The following TAF1 variants were observed in gnomAD, a reference collection of about 807,000 sequenced individuals.
The protein encoded by TAF1 is transcription initiation factor TFIID subunit 1.
Under a neutral mutation model 138.5 loss-of-function variants are expected in TAF1, and 2 were observed. The observed-to-expected ratio is 0.01, with a 90% CI of 0.01 to 0.05. The LOEUF is 0.05. TAF1 is among the 10% of genes least tolerant of loss of function. The pLI, the probability that TAF1 is intolerant of heterozygous loss-of-function variation, is 1.00. For synonymous variants in TAF1, 437 were observed against 503.2 expected (o/e 0.87, Z 1.76); for missense variants, 709 against 1,478.0 (o/e 0.48, Z 8.53).
chrX:71,505,768 C>G (rs2039609647), intron 13 of TAF1, among the ~76,000 whole-genome samples: 1 of 111,836 alleles, frequency 8.9e-6, no homozygotes, highest in Non-Finnish European at 1.9e-5. Flanking sequence ...TGCCTGTAAT[C>G]CCAGCACTTT....
At position 71,401,513 on chromosome X, in the gene TAF1, C is replaced by A; in HGVS notation, c.3787-15C>A. 1 of 1,210,916 alleles carries A rather than the reference C, an allele frequency of 8.3e-7. No individual in the cohort carries two copies. Among genetic ancestry groups the A allele is most frequent in the South Asian group, 1.8e-5 (1 of 56,984 alleles). ...CTACTTACCTCTGACGTGTTTGATA[C>A]TTTTCCTTTTGCAGCTGAAATGTGG... is the stretch of plus-strand genomic sequence containing the variant. On this transcript the variant is annotated splice_polypyrimidine_tract_variant and intron_variant, in intron 24 of 37. Transcript: ENST00000423759.
intron 37 of TAF1, 93 bp from the exon 38 acceptor site, chrX:71,463,731 G>A (rs1360208554): frequency 2.3e-6 from 2 of 853,017 alleles, no homozygotes; most frequent in South Asian, 2.3e-5. Flanking sequence ...CAGGGGAGGT[G>A]AGATGGGCTG....
intron 13 of TAF1, among the ~76,000 whole-genome samples, chrX:71,503,310 A>ATATATATGTG (rs1569408357): frequency 6.3e-5 from 6 of 94,724 alleles, no homozygotes; most frequent in African/African-American, 2.6e-4. Flanking sequence ...ATATATATAT[A>ATATATATGTG]TATATATATA....
intron 13 of TAF1, among the ~76,000 whole-genome samples, 178 bp downstream of exon 13, chrX:71,384,313 C>G (rs1190605600): frequency 9.0e-6 from 1 of 111,595 alleles, no homozygotes; most frequent in Non-Finnish European, 1.9e-5. Flanking sequence ...AATCTGTGAA[C>G]ATATACCATA....
chrX:71,376,941 T>G lies in TAF1; in HGVS notation c.473-9T>G. ...TACATGCCAAAGGGGTTTCTCTTCC[T>G]TGTTGCAGTGTCTGAAAATGGAGAA... On this transcript the variant is annotated splice_polypyrimidine_tract_variant and intron_variant, in intron 4 of 37. Coordinates refer to ENST00000423759, the MANE Select transcript of TAF1 (RefSeq NM_004606.5). 8.3e-7 allele frequency: 1 copy of G among 1,210,905 alleles called. No individual in the cohort carries two copies. The highest frequency in any genetic ancestry group is 1.8e-5 in the South Asian group (1 of 56,902).
intron 13 of TAF1, among the ~76,000 whole-genome samples, chrX:71,484,607 CAGGT>C (rs1281324886): frequency 9.0e-6 from 1 of 111,717 alleles, no homozygotes; most frequent in Non-Finnish European, 1.9e-5. Flanking sequence ...GCTGGGATTA[CAGGT>C]GTGAGCCACC....
rs749481319 is a variant in TAF1 at position 71,398,566 on chromosome X, G to C, written c.3621-6G>C. ...TTTTTCTTCCTCTGCTGCTCACACT[G>C]TTCAGTCGAAAATTTGCCCTTTTTG... On this transcript the variant is annotated splice_region_variant and splice_polypyrimidine_tract_variant and intron_variant, in intron 23 of 37. Transcript: ENST00000423759. 2 of 1,210,352 alleles carry C rather than the reference G, an allele frequency of 1.7e-6. No individual in the cohort carries two copies. The highest frequency in any genetic ancestry group is 5.9e-5 in the East Asian group (2 of 33,803).
chrX:71,454,500 G>A (rs2038195138), intron 33 of TAF1, among the ~76,000 whole-genome samples: 1 of 110,707 alleles, frequency 9.0e-6, no homozygotes, highest in African/African-American at 3.3e-5. Context: ...CTAGCTTTTT[G>A]AAATCCTGTT....
intron 32 of TAF1, among the ~76,000 whole-genome samples, chrX:71,438,410 C>T (rs1366293757): frequency 2.7e-5 from 3 of 111,383 alleles, no homozygotes; most frequent in African/African-American, 6.5e-5. Flanking sequence ...TTTTACTTAC[C>T]ATGTTTTCAA....
chrX:71,508,614 A>G (rs1430941133), intron 13 of TAF1, among the ~76,000 whole-genome samples: 2 of 105,041 alleles, frequency 1.9e-5, no homozygotes, highest in African/African-American at 6.9e-5. Context: ...CTGAAAAAAA[A>G]AAAAAAAAGA....
chrX:71,448,291 C>T (rs931069154), intron 32 of TAF1, among the ~76,000 whole-genome samples: 3 of 111,746 alleles, frequency 2.7e-5, no homozygotes, highest in African/African-American at 9.8e-5. Context: ...TTCCTCATTT[C>T]TTCCTAAGCT....
chrX:71,404,440 C>G (rs941424553), intron 25 of TAF1, among the ~76,000 whole-genome samples: 10 of 108,663 alleles, frequency 9.2e-5, no homozygotes, highest in Non-Finnish European at 1.7e-4. Flanking sequence ...CCAGTTCAAG[C>G]AGTTCTCCTG....
At chrX:71,480,206 C>T (rs977325385) in intron 13 of TAF1, among the ~76,000 whole-genome samples, 12 of 110,329 alleles carry the variant, frequency 1.1e-4, no homozygotes, top group African/African-American at 4.0e-4. Context: ...GCCTGGGCAA[C>T]AGACTGAGAC....
At chrX:71,381,605 C>T (rs1253664727) in intron 8 of TAF1, 138 bp from the exon 9 acceptor site, 2 of 635,785 alleles carry the variant, frequency 3.1e-6, no homozygotes, top group Non-Finnish European at 4.8e-6. Context: ...TGTGTAGGTT[C>T]CTTTTCAGTG....
At chrX:71,452,906 C>A (rs1159362770) in intron 32 of TAF1, among the ~76,000 whole-genome samples, 1 of 112,308 alleles carries the variant, frequency 8.9e-6, no homozygotes, top group Non-Finnish European at 1.9e-5. Flanking sequence ...CAAAAAAATA[C>A]GAAAACCAGT....
intron 13 of TAF1, chrX:71,491,037 G>GTTTTT (rs1569399877): frequency 1.3e-5 from 1 of 76,916 alleles, no homozygotes; most frequent in African/African-American, 5.3e-5. Flanking sequence ...TGTTGTTGTT[G>GTTTTT]TTGTTGTTTT....
intron 32 of TAF1, among the ~76,000 whole-genome samples, chrX:71,436,880 T>C (rs1224738666): frequency 8.9e-6 from 1 of 111,835 alleles, no homozygotes; most frequent in Non-Finnish European, 1.9e-5. Context: ...TAAATAAACA[T>C]GATTGAGACC....
chrX:71,412,643 A>G (rs2035856159), intron 28 of TAF1, among the ~76,000 whole-genome samples: 1 of 112,059 alleles, frequency 8.9e-6, no homozygotes, highest in Non-Finnish European at 1.9e-5. Flanking sequence ...GCCGGAGTGC[A>G]GTGGCACGAT....
At chrX:71,525,348 C>T (rs1440868952) in intron 13 of TAF1, among the ~76,000 whole-genome samples, 1 of 112,085 alleles carries the variant, frequency 8.9e-6, no homozygotes, top group Non-Finnish European at 1.9e-5. Flanking sequence ...GGCCCTGCCT[C>T]TGTGTTTAAA....
Sources: allele counts gnomAD v4.1 joint callset (sites outside exome capture counted in the v4.1 genomes callset), GRCh38; gene constraint gnomAD v4.1.1; transcripts MANE v1.5; gene names NCBI Gene and HGNC (gene_info 2026-07-23, HGNC 2026-07-21).